The following STX6 variants were observed in gnomAD, a reference collection of about 807,000 sequenced individuals.
STX6 encodes the protein syntaxin-6.
STX6 carries 23 observed loss-of-function variants against 38.0 expected under a neutral mutation model. The ratio of observed to expected loss-of-function variants is 0.60; its 90% CI spans 0.43 to 0.86. The LOEUF is 0.86. Among genes scored for constraint, STX6 ranks in the 40% least tolerant of loss-of-function variants. The pLI is 0.00. For missense variants in STX6, 274 were observed against 312.9 expected (o/e 0.88, Z 0.94); for synonymous variants, 123 against 107.5 (o/e 1.14, Z -0.89).
rs1656310005 is a variant in STX6 at position 181,008,777 on chromosome 1, G to A, written c.36-3314C>T. ...ACAAAAGGCTCTAATTTTATCACTG[G>A]TAAAAATACTGTCATTTATTTTCCA... is the stretch of plus-strand genomic sequence containing the variant. On this transcript the variant is annotated intron_variant, in intron 1 of 7. Transcript: ENST00000258301. Among the ~76,000 whole-genome samples, 2 of 121,864 alleles carry A rather than the reference G, an allele frequency of 1.6e-5. 1 individual carries two copies. Among genetic ancestry groups the A allele is most frequent in the South Asian group, 4.9e-4 (2 of 4,046 alleles). 79.9% of individuals were successfully genotyped at this position (121,864 alleles called of 152,430 possible). A position where few individuals can be genotyped will look rare whatever the true frequency, so the allele number is the denominator to read the frequency against.
At chr1:180,987,616 T>A (rs990322883) in intron 6 of STX6, 1 of 152,212 alleles carries the variant, frequency 6.6e-6, no homozygotes, top group Non-Finnish European at 1.5e-5. Context: ...TTTTCATTTT[T>A]CTCTTTCAAA....
At chr1:180,993,156 G>A (rs372025244) in intron 4 of STX6, among the ~76,000 whole-genome samples, 1 of 152,168 alleles carries the variant, frequency 6.6e-6, no homozygotes, top group African/African-American at 2.4e-5. Flanking sequence ...AAGAAGACCA[G>A]AGGGTAAGAG....
At chr1:180,987,413 G>A (rs1558088930) in intron 6 of STX6, among the ~76,000 whole-genome samples, 1 of 152,166 alleles carries the variant, frequency 6.6e-6, no homozygotes, top group African/African-American at 2.4e-5. Flanking sequence ...CCCAATATCC[G>A]TTCTACCCTG....
chr1:181,012,367 T>C (rs1436788579), intron 1 of STX6, among the ~76,000 whole-genome samples: 1 of 152,202 alleles, frequency 6.6e-6, no homozygotes, highest in Admixed American at 6.5e-5. Flanking sequence ...CTGATACAGG[T>C]AGCATTTCGT....
intron 1 of STX6, among the ~76,000 whole-genome samples, chr1:181,018,407 A>AG: frequency 6.8e-6 from 1 of 147,084 alleles, no homozygotes; most frequent in Non-Finnish European, 1.5e-5. Flanking sequence ...AAAAAAAAAA[A>AG]AAAAAAAGAA....
At chr1:181,016,348 T>A (rs1403873451) in intron 1 of STX6, among the ~76,000 whole-genome samples, 4 of 152,150 alleles carry the variant, frequency 2.6e-5, no homozygotes, top group African/African-American at 9.7e-5. Flanking sequence ...CATGGGTCTT[T>A]CTTTTTTTTT....
At chr1:181,002,843 C>T (rs1656122176) in intron 2 of STX6, 143 bp from the exon 3 acceptor site, 1 of 599,118 alleles carries the variant, frequency 1.7e-6, no homozygotes, top group African/African-American at 1.9e-5. Flanking sequence ...CAATCATTCT[C>T]AGACTTCCTC....
chr1:180,984,902 C>G (rs1655527090), intron 6 of STX6, 131 bp from the exon 7 acceptor site: 1 of 482,490 alleles, frequency 2.1e-6, no homozygotes, highest in Non-Finnish European at 3.8e-6. Flanking sequence ...GGACCTCACT[C>G]TGTTATCCAA....
chr1:180,994,991 T>C (rs1482814046), intron 3 of STX6, among the ~76,000 whole-genome samples: 3 of 151,478 alleles, frequency 2.0e-5, no homozygotes, highest in East Asian at 1.9e-4. Context: ...TTTGAGACAG[T>C]CTCACTCTGT....
intron 5 of STX6, among the ~76,000 whole-genome samples, 185 bp downstream of exon 5, chr1:180,989,799 G>A (rs761943661): frequency 6.6e-6 from 1 of 152,096 alleles, no homozygotes; most frequent in Non-Finnish European, 1.5e-5. Flanking sequence ...TGGTTCTCTT[G>A]AAGCAGTCAC....
chr1:181,006,989 C>A (rs540780649), intron 1 of STX6, among the ~76,000 whole-genome samples: 1 of 152,240 alleles, frequency 6.6e-6, no homozygotes, highest in East Asian at 1.9e-4. Flanking sequence ...TAATGAGAAA[C>A]CCTATTTAAG....
At chr1:180,979,675 T>C (rs536272004) in intron 7 of STX6, among the ~76,000 whole-genome samples, 44 of 152,276 alleles carry the variant, frequency 2.9e-4, no homozygotes, top group African/African-American at 9.4e-4. Flanking sequence ...TATATATCCA[T>C]GAAATAAATA....
intron 6 of STX6, among the ~76,000 whole-genome samples, chr1:180,985,219 T>C (rs1278461132): frequency 6.6e-6 from 1 of 152,162 alleles, no homozygotes; most frequent in African/African-American, 2.4e-5. Flanking sequence ...GTCTATACAA[T>C]AACACAAACT....
intron 4 of STX6, among the ~76,000 whole-genome samples, chr1:180,991,937 A>T (rs1398571599): frequency 8.4e-5 from 6 of 71,136 alleles, no homozygotes; most frequent in African/African-American, 3.5e-4. Flanking sequence ...AATATATTTA[A>T]ATTTATATAT....
chr1:181,000,825 C>G (rs1366744440), intron 3 of STX6, among the ~76,000 whole-genome samples: 2 of 149,216 alleles, frequency 1.3e-5, no homozygotes, highest in Non-Finnish European at 3.0e-5. Context: ...TGCAAGGCCC[C>G]ACTTAAATAT....
chr1:181,015,451 CCTT>C lies in STX6; in HGVS notation c.35+7185_35+7187del, dbSNP rs145723056. 5.9e-3 allele frequency among the ~76,000 whole-genome samples: 891 copies of C among 152,268 alleles called. 15 individuals are homozygous for C. The highest frequency in any genetic ancestry group is 0.021 in the African/African-American group (853 of 41,562). On this transcript the variant is annotated intron_variant, in intron 1 of 7. Transcript: ENST00000258301. ...AGAGTCATTTTTGACTCCTCCTCCT[CCTT>C]ACCTTGCACAACCTCTACTTAAATC...
At chr1:181,010,407 T>C (rs1366922703) in intron 1 of STX6, among the ~76,000 whole-genome samples, 2 of 152,084 alleles carry the variant, frequency 1.3e-5, no homozygotes, top group African/African-American at 2.4e-5. Context: ...GTTCAATCGA[T>C]TCTCCTGCCT....
intron 6 of STX6, 82 bp from the exon 7 acceptor site, chr1:180,984,853 C>T (rs1655526174): frequency 1.4e-5 from 8 of 569,510 alleles, no homozygotes; most frequent in Admixed American, 3.0e-5. Context: ...AGGACCAGGC[C>T]TCCATTTTAG....
chr1:181,018,192 T>C (rs1411147049), intron 1 of STX6, among the ~76,000 whole-genome samples: 1 of 151,944 alleles, frequency 6.6e-6, no homozygotes, highest in Non-Finnish European at 1.5e-5. Context: ...AAGACCAGCC[T>C]GGCTAACAGG....
Sources: allele counts gnomAD v4.1 joint callset (sites outside exome capture counted in the v4.1 genomes callset), GRCh38; gene constraint gnomAD v4.1.1; transcripts MANE v1.5; gene names NCBI Gene and HGNC (gene_info 2026-07-23, HGNC 2026-07-21).